The following PLPP1 variants were observed in gnomAD, a reference collection of about 807,000 sequenced individuals.
The protein encoded by PLPP1 is lipid phosphate phosphohydrolase 1a.
Under a neutral mutation model 31.2 loss-of-function variants are expected in PLPP1, and 24 were observed. That is an observed-to-expected ratio of 0.77 (90% CI 0.56 to 1.08). PLPP1 has a LOEUF of 1.08. Ranked by LOEUF, PLPP1 falls within the 50% of genes least tolerant of loss-of-function variation. The pLI, the probability that PLPP1 is intolerant of heterozygous loss-of-function variation, is 0.00. For missense variants in PLPP1, 319 were observed against 342.7 expected, an observed-to-expected ratio of 0.93 and a Z score of 0.55; for synonymous variants, 146 against 126.3, an observed-to-expected ratio of 1.16 and a Z score of -1.05.
At chr5:55,459,787 TGAGCA>T (rs1752111476) in intron 3 of PLPP1, among the ~76,000 whole-genome samples, 1 of 152,132 alleles carries the variant, frequency 6.6e-6, no homozygotes, top group Admixed American at 6.6e-5. Flanking sequence ...ACAGCTACAT[TGAGCA>T]TGCCTGCCTT....
intron 1 of PLPP1, among the ~76,000 whole-genome samples, chr5:55,505,458 A>C (rs1753253916): frequency 1.3e-5 from 2 of 151,590 alleles, no homozygotes; most frequent in Admixed American, 1.3e-4. Context: ...AAAAAAAAAA[A>C]CAAATAGCAG....
At chr5:55,457,369 A>G (rs1005390388) in intron 3 of PLPP1, among the ~76,000 whole-genome samples, 7 of 152,136 alleles carry the variant, frequency 4.6e-5, no homozygotes, top group African/African-American at 1.7e-4. Flanking sequence ...AGTGCAATCA[A>G]AGTAACAGTA....
chr5:55,496,577 C>T (rs1314825301), intron 1 of PLPP1, among the ~76,000 whole-genome samples: 1 of 152,186 alleles, frequency 6.6e-6, no homozygotes, highest in African/African-American at 2.4e-5. Flanking sequence ...CTCTGCCCAC[C>T]TATTTGTGAA....
At chr5:55,483,714 G>C (rs1000446815) in intron 1 of PLPP1, among the ~76,000 whole-genome samples, 1 of 149,242 alleles carries the variant, frequency 6.7e-6, no homozygotes, top group Non-Finnish European at 1.5e-5. Context: ...TTTGGGTTGA[G>C]AGGCTATTTC....
chr5:55,467,995 G>A lies in PLPP1; in HGVS notation c.365C>T (p.Ser122Leu). The A allele has an allele frequency of 6.2e-7, 1 of 1,614,132 alleles. No homozygotes were observed. Among genetic ancestry groups the A allele is most frequent in the Non-Finnish European group, 8.5e-7 (1 of 1,180,012 alleles). Residue 122 changes from serine to leucine, a missense_variant, in exon 3 of 6, where the codon TCA becomes TTA. By Grantham distance (145) the Ser-to-Leu change is moderately radical. Transcript: ENST00000307259. Reference sequence around the variant, plus strand: ...GAAGTGAGGCCGCAGTCTGCCTATTGAATACTTGGCAATGTCAGTCAGGGA... The same window carrying A: ...GAAGTGAGGCCGCAGTCTGCCTATTAAATACTTGGCAATGTCAGTCAGGGA... ...SQSLTDIAKY[S>L]IGRLRPHFLD...
At chr5:55,509,340 G>A (rs1035460620) in intron 1 of PLPP1, among the ~76,000 whole-genome samples, 1 of 152,232 alleles carries the variant, frequency 6.6e-6, no homozygotes, top group Non-Finnish European at 1.5e-5. Flanking sequence ...GTGATTCACA[G>A]AGATGTTATG....
At chr5:55,427,811 G>A (rs1751245621) in intron 4 of PLPP1, among the ~76,000 whole-genome samples, 1 of 151,876 alleles carries the variant, frequency 6.6e-6, no homozygotes, top group South Asian at 2.1e-4. Context: ...GCAGGGAACA[G>A]TTTTCCTCTT....
chr5:55,488,386 C>T (rs1353121035), intron 1 of PLPP1, among the ~76,000 whole-genome samples: 4 of 151,966 alleles, frequency 2.6e-5, no homozygotes, highest in Admixed American at 2.6e-4. Context: ...TGGCTCATGC[C>T]TGTAATCTCA....
At chr5:55,443,389 A>G (rs1450731428) in intron 3 of PLPP1, among the ~76,000 whole-genome samples, 23 of 151,916 alleles carry the variant, frequency 1.5e-4, no homozygotes, top group Non-Finnish European at 2.9e-5. Context: ...AGAAAAATAA[A>G]TCACTTTTTA....
chr5:55,467,926 T>C lies in PLPP1; in HGVS notation c.434A>G (p.Asp145Gly). ...DPDWSKINCS[D>G]GYIEYYICRG... ...ACATATGTAGTATTCAATGTAACCA[T>C]CGCTGCAGTTGATTTTTGACCAATC... The change falls in exon 3 of 6, where the codon GAT becomes GGT. Residue 145 changes from aspartate (D) to glycine (G), a missense_variant. Transcript: ENST00000307259. 2 of 1,614,200 alleles carry C rather than the reference T, an allele frequency of 1.2e-6. No homozygotes were observed. Among genetic ancestry groups the C allele is most frequent in the African/African-American group, 1.3e-5 (1 of 75,072 alleles).
intron 4 of PLPP1, among the ~76,000 whole-genome samples, chr5:55,433,860 G>A (rs905431823): frequency 3.3e-5 from 5 of 151,980 alleles, no homozygotes; most frequent in African/African-American, 1.2e-4. Context: ...GGTCAGGCCT[G>A]GCATTGTGGC....
chr5:55,475,750 CTT>C (rs1752536144), intron 1 of PLPP1, among the ~76,000 whole-genome samples: 1 of 152,172 alleles, frequency 6.6e-6, no homozygotes, highest in Admixed American at 6.5e-5. Context: ...GGAAAAATCT[CTT>C]CTCACGTTCT....
intron 1 of PLPP1, among the ~76,000 whole-genome samples, chr5:55,508,188 T>C (rs1753325753): frequency 6.6e-6 from 1 of 152,168 alleles, no homozygotes; most frequent in Non-Finnish European, 1.5e-5. Context: ...CCATGCCCAG[T>C]TCGCATGACC....
chr5:55,511,830 ATT>A (rs879881094), intron 1 of PLPP1, among the ~76,000 whole-genome samples: 3 of 142,226 alleles, frequency 2.1e-5, no homozygotes, highest in African/African-American at 2.6e-5. Context: ...CGCCCAGCTA[ATT>A]TTTTTTTTTT....
chr5:55,514,572 A>C (rs1416885945), intron 1 of PLPP1, among the ~76,000 whole-genome samples: 1 of 152,234 alleles, frequency 6.6e-6, no homozygotes, highest in Non-Finnish European at 1.5e-5. Context: ...ATAAAGTTAT[A>C]CTAAGGTGTG....
Position 55,522,875 on chromosome 5 carries a change from C to G in PLPP1, c.58+11697G>C, listed in dbSNP as rs573018901. Among the ~76,000 whole-genome samples, 4 of 152,088 alleles carry G rather than the reference C, an allele frequency of 2.6e-5. No individual in the cohort carries two copies. In the East Asian group the frequency reaches 5.8e-4, roughly 22 times the overall value. On this transcript the variant is annotated intron_variant, in intron 1 of 5. Coordinates refer to ENST00000307259, the MANE Select transcript of PLPP1 (RefSeq NM_003711.4). ...CTGGGACTACAGGCGCCCGCCACCA[C>G]GCCCAGCTAATTTTTTGTATTTTTA...
chr5:55,455,294 T>C (rs1579934697), intron 3 of PLPP1, among the ~76,000 whole-genome samples: 1 of 152,026 alleles, frequency 6.6e-6, no homozygotes, highest in Admixed American at 6.5e-5. Context: ...CTATCACAAA[T>C]AGACCAGCTA....
intron 1 of PLPP1, among the ~76,000 whole-genome samples, chr5:55,533,167 T>A (rs1317416599): frequency 1.3e-5 from 2 of 151,710 alleles, no homozygotes; most frequent in Non-Finnish European, 2.9e-5. Flanking sequence ...GCGGATCACC[T>A]GAGGTCAGGA....
At chr5:55,511,422 T>C (rs1301001137) in intron 1 of PLPP1, among the ~76,000 whole-genome samples, 3 of 152,118 alleles carry the variant, frequency 2.0e-5, no homozygotes, top group African/African-American at 7.2e-5. Context: ...CAGACAATTA[T>C]ATTGAAAATT....
Sources: gnomAD v4.1 joint callset for allele counts (sites outside exome capture counted in the v4.1 genomes callset) on GRCh38, gnomAD v4.1.1 for gene constraint, MANE v1.5 for transcripts, NCBI Gene and HGNC (gene_info 2026-07-23, HGNC 2026-07-21) for gene names.